ICE2: variants seen among roughly 807,000 people sequenced by gnomAD.
ICE2 encodes the protein little elongation complex subunit 2.
ICE2 carries 87 observed loss-of-function variants against 105.4 expected under a neutral mutation model. That is an observed-to-expected ratio of 0.83 (90% CI 0.69 to 0.99). ICE2 has a LOEUF of 0.99. Among genes scored for constraint, ICE2 ranks in the 50% least tolerant of loss-of-function variants. The pLI is 0.00. For missense variants in ICE2, 1,323 were observed against 1,146.7 expected, an observed-to-expected ratio of 1.15 and a Z score of -2.22; for synonymous variants, 399 against 392.0, an observed-to-expected ratio of 1.02 and a Z score of -0.21.
rs974900490 is a variant in ICE2 at position 60,479,079 on chromosome 15, C to G, written c.-169G>C. ...CTCCACCCCACTCCTCACATTGTCG[C>G]GCGCGCCCAAAAAAGACCATATTTA... is the stretch of plus-strand genomic sequence containing the variant. On this transcript the variant is annotated 5_prime_UTR_variant, in exon 1 of 16. Coordinates refer to ENST00000261520, the MANE Select transcript of ICE2 (RefSeq NM_024611.6). 1.1e-5 allele frequency: 5 copies of G among 450,334 alleles called. No homozygotes were observed. The highest frequency in any genetic ancestry group is 2.2e-5 in the Non-Finnish European group (5 of 223,028). 27.9% of individuals were successfully genotyped at this position (450,334 alleles called of 1,614,324 possible). A position where few individuals can be genotyped will look rare whatever the true frequency, so the allele number is the denominator to read the frequency against.
intron 1 of ICE2, chr15:60,478,620 C>G (rs1194197852): frequency 6.2e-6 from 2 of 322,894 alleles, no homozygotes; most frequent in South Asian, 4.7e-5. Flanking sequence ...CAGTACTTCT[C>G]CTGTGACCCC....
Position 60,479,070 on chromosome 15 carries a change from A to G in ICE2, c.-160T>C. ...CCACACACGCTCCACCCCACTCCTC[A>G]CATTGTCGCGCGCGCCCAAAAAAGA... is the stretch of plus-strand genomic sequence containing the variant. On this transcript the variant is annotated 5_prime_UTR_variant, in exon 1 of 16. The change abolishes the stop of an existing upstream ORF in the 5' untranslated region. Coordinates refer to ENST00000261520, the MANE Select transcript of ICE2 (RefSeq NM_024611.6). The G allele has an allele frequency of 2.2e-6, 1 of 451,594 alleles. No homozygotes were observed. Among genetic ancestry groups the G allele is most frequent in the South Asian group, 1.6e-5 (1 of 64,332 alleles). The allele number at this position is 451,594 out of a possible 1,614,324, so 28.0% of individuals were successfully genotyped here.
Position 60,449,354 on chromosome 15 carries a change from T to C in ICE2, c.1613A>G (p.Asp538Gly), listed in dbSNP as rs1370193370. ...TTCTAGAACATTAGGTCTTTCACCA[T>C]CAGCATGTAATATATCTATAGTCAT... ...NDMTIDILHA[D>G]GERPNVLENL... is the part of the protein sequence containing the mutation. Residue 538 changes from aspartate to glycine, a missense_variant, in exon 10 of 16, where the codon GAT (aspartate) becomes GGT (glycine). Physicochemically the swap from Asp to Gly is moderately conservative, Grantham distance 94. Coordinates refer to ENST00000261520, the MANE Select transcript of ICE2 (RefSeq NM_024611.6). 6.2e-7 allele frequency: 1 copy of C among 1,613,298 alleles called. No homozygotes were observed. Among genetic ancestry groups the C allele is most frequent in the South Asian group, 1.1e-5 (1 of 91,052 alleles).
At position 60,428,568 on chromosome 15, in the gene ICE2, C is replaced by A. The variant is rs767229607; in HGVS notation, c.2681G>T (p.Gly894Val). 6.2e-7 allele frequency: 1 copy of A among 1,614,016 alleles called. No homozygotes were observed. The highest frequency in any genetic ancestry group is 8.5e-7 in the Non-Finnish European group (1 of 1,179,992). The change falls in exon 15 of 16, where the codon GGC (glycine) becomes GTC (valine). Residue 894 changes from glycine to valine, a missense_variant. Transcript: ENST00000261520. ...GAGACTGGAAGGTACACCAGGAAGG[C>A]CGCAATGTGTTTTATACAAATTGTA... ...TAYNLYKTHCGLPGVPSSLSV... is the reference protein window; with the variant it reads ...TAYNLYKTHCVLPGVPSSLSV...
chr15:60,456,086 G>A (rs2064102844), intron 6 of ICE2, among the ~76,000 whole-genome samples: 1 of 151,730 alleles, frequency 6.6e-6, no homozygotes, highest in African/African-American at 2.4e-5. Flanking sequence ...TTGTATTCAG[G>A]GGCATTCAGA....
At chr15:60,459,760 T>C (rs192421361) in intron 5 of ICE2, among the ~76,000 whole-genome samples, 4 of 152,288 alleles carry the variant, frequency 2.6e-5, no homozygotes, top group East Asian at 3.9e-4. Context: ...CTAGTTGATA[T>C]TGAATAACGG....
intron 3 of ICE2, among the ~76,000 whole-genome samples, chr15:60,475,504 C>G (rs1007868988): frequency 6.6e-6 from 1 of 151,848 alleles, no homozygotes; most frequent in South Asian, 2.1e-4. Flanking sequence ...CAACACAAGA[C>G]TAGTTAAATG....
In ICE2 at chr15:60,423,717, A is replaced by T. The variant is rs748874467; in HGVS notation, c.2866T>A (p.Ser956Thr). The change falls in exon 16 of 16, where the codon TCC becomes ACC. Residue 956 changes from serine (S) to threonine (T), a missense_variant. Coordinates refer to ENST00000261520, the MANE Select transcript of ICE2 (RefSeq NM_024611.6). Reference sequence around the variant, plus strand: ...AAGCAACTGCTTTTGGTTTCCATGGAAACTGGATTCCTGTGGCTGCGTGTA... The same window carrying T: ...AAGCAACTGCTTTTGGTTTCCATGGTAACTGGATTCCTGTGGCTGCGTGTA... ...MPTRSHRNPV[S>T]METKSSCLPA... is the part of the protein sequence containing the mutation. The T allele has an allele frequency of 3.1e-6, 5 of 1,603,218 alleles. No individual in the cohort carries two copies. The highest frequency in any genetic ancestry group is 4.2e-6 in the Non-Finnish European group (5 of 1,177,258).
intron 6 of ICE2, 83 bp downstream of exon 6, chr15:60,456,574 T>TACACAC (rs1392087017): frequency 9.5e-5 from 11 of 115,706 alleles, no homozygotes; most frequent in Admixed American, 3.0e-4. Context: ...TAAATATATA[T>TACACAC]ATATATATAT....
rs1167026805 is a variant in ICE2 at position 60,455,114 on chromosome 15, G to A, written c.832C>T (p.Pro278Ser). The A allele has an allele frequency of 2.5e-6, 4 of 1,592,060 alleles. No homozygotes were observed. Among genetic ancestry groups the A allele is most frequent in the Non-Finnish European group, 3.4e-6 (4 of 1,173,626 alleles). Residue 278 changes from proline to serine, a missense_variant, in exon 8 of 16, where the codon CCT becomes TCT. By Grantham distance (74) the Pro-to-Ser change is moderately conservative (BLOSUM62 -1). Coordinates refer to ENST00000261520, the MANE Select transcript of ICE2 (RefSeq NM_024611.6). The part of the protein sequence containing the change: ...NAEKLVSRYH[P>S]QIALTSQSLF... ...GACTGACTAGTTAGAGCTATCTGAGGGTGATATCTGGAAACAAGCTTCTCT... is the reference window on the plus strand; with the variant it reads ...GACTGACTAGTTAGAGCTATCTGAGAGTGATATCTGGAAACAAGCTTCTCT...
At chr15:60,435,838 T>C (rs2063574854) in intron 13 of ICE2, among the ~76,000 whole-genome samples, 1 of 152,082 alleles carries the variant, frequency 6.6e-6, no homozygotes. Context: ...GAGCTGGGCA[T>C]GCTGGTGCAC....
intron 15 of ICE2, among the ~76,000 whole-genome samples, chr15:60,425,475 A>G (rs531188270): frequency 5.6e-4 from 85 of 152,324 alleles, no homozygotes; most frequent in African/African-American, 1.7e-3. Flanking sequence ...GAAAAAAGGG[A>G]TAAGTGTGAA....
chr15:60,443,369 G>A (rs1345863378), intron 11 of ICE2, among the ~76,000 whole-genome samples: 1 of 152,204 alleles, frequency 6.6e-6, no homozygotes, highest in Non-Finnish European at 1.5e-5. Context: ...ATTATACTGT[G>A]TCACCATTTA....
At chr15:60,478,883 G>C (rs969751968) in intron 1 of ICE2, 120 bp downstream of exon 1, 1 of 445,172 alleles carries the variant, frequency 2.2e-6, no homozygotes, top group African/African-American at 2.0e-5. Context: ...GCAGAGCCAG[G>C]AGCAAAGGGT....
intron 1 of ICE2, 134 bp downstream of exon 1, chr15:60,478,869 C>A: frequency 4.6e-6 from 2 of 434,298 alleles, no homozygotes; most frequent in South Asian, 3.2e-5. Context: ...GGGGTAGGAG[C>A]CGCGCAGAGC....
In ICE2 at chr15:60,448,138, T is replaced by C; in HGVS notation, c.2127A>G (p.Pro709=). 2 of 1,602,156 alleles carry C rather than the reference T, an allele frequency of 1.2e-6. No homozygotes were observed. Among genetic ancestry groups the C allele is most frequent in the Non-Finnish European group, 1.7e-6 (2 of 1,171,654 alleles). ...CTTCAACATAGTCCTGAAGTTCATA[T>C]GGCAATCCTTTAAAAATAGTATTTC... ...SAFQKPKGRL[P]YELQDYVEDT... The change falls in exon 11 of 16, where the codon CCA becomes CCG. Residue 709 remains proline (P), a synonymous_variant. Coordinates refer to ENST00000261520, the MANE Select transcript of ICE2 (RefSeq NM_024611.6).
chr15:60,448,666 T>C (rs570998736), intron 10 of ICE2, among the ~76,000 whole-genome samples, 182 bp downstream of exon 10: 3 of 152,320 alleles, frequency 2.0e-5, no homozygotes, highest in African/African-American at 7.2e-5. Flanking sequence ...CGCCTTTGTA[T>C]ACATATCTAG....
At chr15:60,450,102 C>A (rs1182583667) in intron 9 of ICE2, among the ~76,000 whole-genome samples, 3 of 152,120 alleles carry the variant, frequency 2.0e-5, no homozygotes, top group Admixed American at 1.3e-4. Context: ...TTACAAACTA[C>A]CACATCTCAA....
At chr15:60,448,430 A>G (rs1321928023) in intron 10 of ICE2, among the ~76,000 whole-genome samples, 1 of 152,258 alleles carries the variant, frequency 6.6e-6, no homozygotes, top group Non-Finnish European at 1.5e-5. Context: ...AAAAAGTTTA[A>G]AAAGTAATGT....
Sources: gnomAD v4.1 joint callset for allele counts (sites outside exome capture counted in the v4.1 genomes callset) on GRCh38, gnomAD v4.1.1 for gene constraint, MANE v1.5 for transcripts, NCBI Gene and HGNC (gene_info 2026-07-23, HGNC 2026-07-21) for gene names.